Variants in CTDP1 observed in about 807,000 individuals in gnomAD.
CTDP1 encodes the protein RNA polymerase II subunit A C-terminal domain phosphatase.
A neutral mutation model predicts 91.8 loss-of-function variants in CTDP1; 47 were observed. The observed-to-expected ratio is 0.51, with a 90% CI of 0.41 to 0.65. The LOEUF is 0.65. Among genes scored for constraint, CTDP1 ranks in the 30% least tolerant of loss-of-function variants. The probability of loss-of-function intolerance (pLI) is 0.00; values close to 1 mark genes in which losing one functional copy is unlikely to be tolerated. For synonymous variants in CTDP1, 656 were observed against 598.5 expected, an observed-to-expected ratio of 1.10 and a Z score of -1.40; for missense variants, 1,272 against 1,373.7, an observed-to-expected ratio of 0.93 and a Z score of 1.17.
At chr18:79,716,151 A>G (rs2086203852) in intron 8 of CTDP1, among the ~76,000 whole-genome samples, 1 of 152,202 alleles carries the variant, frequency 6.6e-6, no homozygotes, top group African/African-American at 2.4e-5. Flanking sequence ...AAATGCTCCC[A>G]TAAGCACCTG....
At chr18:79,724,859 C>T (rs903196423) in intron 10 of CTDP1, among the ~76,000 whole-genome samples, 5 of 152,188 alleles carry the variant, frequency 3.3e-5, no homozygotes, top group Admixed American at 6.5e-5. Flanking sequence ...TGGCCCCAGC[C>T]GCATTGTCGC....
chr18:79,736,957 A>G (rs181390181), intron 12 of CTDP1, among the ~76,000 whole-genome samples: 1 of 152,178 alleles, frequency 6.6e-6, no homozygotes, highest in Non-Finnish European at 1.5e-5. Flanking sequence ...GTATGTGTGC[A>G]CAGGCGTGTG....
chr18:79,728,344 C>T (rs1344225831), intron 10 of CTDP1, among the ~76,000 whole-genome samples: 3 of 152,082 alleles, frequency 2.0e-5, no homozygotes, highest in African/African-American at 7.2e-5. Context: ...AAGTGATCCA[C>T]CTGCCTCGGC....
At chr18:79,733,268 C>G (rs1004751340) in intron 11 of CTDP1, among the ~76,000 whole-genome samples, 18 of 152,036 alleles carry the variant, frequency 1.2e-4, no homozygotes, top group Non-Finnish European at 7.4e-5. Flanking sequence ...GCGCCGCAGC[C>G]TCGGCACAGG....
rs1415898480 is a variant in CTDP1, at chr18:79,713,836, C to T, written c.1031-655C>T. Among the ~76,000 whole-genome samples, 2 of 152,048 alleles carry T rather than the reference C, an allele frequency of 1.3e-5. No individual in the cohort carries two copies. The highest frequency in any genetic ancestry group is 4.2e-4 in the South Asian group (2 of 4,806). ...TGGGAAACCGTGGCCATGGTGGTGC[C>T]AGGTCATCCGGGGCTTACAGTCACG... On this transcript the variant is annotated intron_variant, in intron 7 of 12. Coordinates refer to ENST00000613122, the MANE Select transcript of CTDP1 (RefSeq NM_004715.5). The surrounding 1 kb of genome is among the most constrained non-coding windows in gnomAD (Gnocchi z 4.7).
At chr18:79,733,043 C>T (rs930408381) in intron 11 of CTDP1, among the ~76,000 whole-genome samples, 38 of 152,220 alleles carry the variant, frequency 2.5e-4, no homozygotes, top group Admixed American at 1.8e-3. Flanking sequence ...TGAGTCTCCT[C>T]GTGGTGGGCG....
chr18:79,689,408 C>G (rs1362058898), intron 1 of CTDP1, among the ~76,000 whole-genome samples: 1 of 152,184 alleles, frequency 6.6e-6, no homozygotes, highest in South Asian at 2.1e-4. Context: ...CTGCTTGAAT[C>G]GCTTCATTTC....
intron 1 of CTDP1, chr18:79,681,392 G>A (rs1179017883): frequency 7.6e-6 from 7 of 918,776 alleles, no homozygotes; most frequent in Non-Finnish European, 9.1e-6. Context: ...GTACCTGGGA[G>A]GATTGTGGAG....
At chr18:79,681,711 C>G (rs1414216673) in intron 1 of CTDP1, among the ~76,000 whole-genome samples, 1 of 152,124 alleles carries the variant, frequency 6.6e-6, no homozygotes, top group African/African-American at 2.4e-5. Context: ...CCCTTTGAGA[C>G]ACTGATGTGA....
rs1294312975 is a variant in CTDP1 at position 79,743,539 on chromosome 18, A to AAAC, written c.2747+7020_2747+7021insCAA. On this transcript the variant is annotated intron_variant, in intron 12 of 12. Coordinates refer to ENST00000613122, the MANE Select transcript of CTDP1 (RefSeq NM_004715.5). ...AGACTCCGTCTCCAAAAAAAAAAAA[A>AAAC]AAAAACAGTGAAGCACAAAGTGAGG... 1.4e-4 allele frequency among the ~76,000 whole-genome samples: 21 copies of AAAC among 150,874 alleles called. 1 individual carries two copies. The highest frequency in any genetic ancestry group is 5.1e-4 in the African/African-American group (21 of 40,988).
intron 1 of CTDP1, among the ~76,000 whole-genome samples, chr18:79,688,086 G>A (rs756237307): frequency 5.9e-5 from 9 of 152,184 alleles, no homozygotes; most frequent in Non-Finnish European, 1.3e-4. Context: ...TTCAGTAACC[G>A]CTGCCAGAGC....
intron 10 of CTDP1, among the ~76,000 whole-genome samples, chr18:79,720,930 C>G (rs185328305): frequency 1.4e-4 from 21 of 152,252 alleles, no homozygotes; most frequent in Admixed American, 4.6e-4. Flanking sequence ...TCTGCTGAAT[C>G]GGCTCACAAA....
chr18:79,737,490 T>C (rs1045289111), intron 12 of CTDP1, among the ~76,000 whole-genome samples: 4 of 152,206 alleles, frequency 2.6e-5, no homozygotes, highest in African/African-American at 4.8e-5. Flanking sequence ...GACATCATCT[T>C]TCTCCACTAA....
intron 4 of CTDP1, among the ~76,000 whole-genome samples, chr18:79,699,514 C>T (rs2085814875): frequency 2.0e-5 from 3 of 151,972 alleles, no homozygotes; most frequent in South Asian, 4.1e-4. Flanking sequence ...CCGCCTGCCT[C>T]GGCCTCCCAA....
intron 7 of CTDP1, 76 bp from the exon 8 acceptor site, chr18:79,714,415 T>G: frequency 6.5e-7 from 1 of 1,530,224 alleles, no homozygotes; most frequent in Middle Eastern, 1.7e-4. Flanking sequence ...TGGAGAAGGG[T>G]GCTGCTTTAA....
upstream of CTDP1, chr18:79,678,561 G>C (rs1038870794): frequency 3.0e-4 from 45 of 152,130 alleles, 1 homozygote; most frequent in Admixed American, 6.5e-5. Flanking sequence ...TCTCTACTTA[G>C]AGAAACTGTG....
At chr18:79,716,039 C>G (rs956869131) in intron 8 of CTDP1, among the ~76,000 whole-genome samples, 1 of 152,182 alleles carries the variant, frequency 6.6e-6, no homozygotes, top group African/African-American at 2.4e-5. Flanking sequence ...GAAACTTCCG[C>G]CGAATAAAAC....
chr18:79,698,436 A>G (rs1466291469), intron 4 of CTDP1, among the ~76,000 whole-genome samples: 2 of 151,994 alleles, frequency 1.3e-5, no homozygotes, highest in Non-Finnish European at 2.9e-5. Context: ...GCTGGAGGAA[A>G]AGCCTGGGTG....
At chr18:79,710,686 A>ATTTTTTTTT (rs11306504) in intron 6 of CTDP1, among the ~76,000 whole-genome samples, 169 of 88,508 alleles carry the variant, frequency 1.9e-3, no homozygotes, top group African/African-American at 2.1e-3. Flanking sequence ...TCGCCCGGCA[A>ATTTTTTTTT]TTTTTTTTTT....
Sources: gnomAD v4.1 joint callset for allele counts (sites outside exome capture counted in the v4.1 genomes callset) on GRCh38, gnomAD v4.1.1 for gene constraint, Gnocchi (gnomAD v3.1) non-coding constraint, MANE v1.5 for transcripts, NCBI Gene and HGNC (gene_info 2026-07-23, HGNC 2026-07-21) for gene names.